Variants in NDUFV1 observed in about 807,000 individuals in gnomAD.
NDUFV1 encodes the protein NADH:ubiquinone oxidoreductase core subunit V1, also known as NADH dehydrogenase [ubiquinone] flavoprotein 1, mitochondrial.
A neutral mutation model predicts 48.7 loss-of-function variants in NDUFV1; 41 were observed. The observed-to-expected ratio is 0.84, with a 90% CI of 0.66 to 1.09. The LOEUF is 1.09. Ranked by LOEUF, NDUFV1 falls within the 50% of genes least tolerant of loss-of-function variation. NDUFV1 has a pLI of 0.00. For missense variants in NDUFV1, 580 were observed against 645.4 expected (o/e 0.90, Z 1.10); for synonymous variants, 231 against 259.1 (o/e 0.89, Z 1.04).
rs374792626 is a variant in NDUFV1, at chr11:67,610,334, C to T, written c.511-47C>T. 115 of 1,609,696 alleles carry T rather than the reference C, an allele frequency of 7.1e-5. 4 individuals are homozygous for T. In the African/African-American group the frequency reaches 8.8e-4, roughly 12 times the overall value. ...CATGACTCCTGAAGTTATAGGCTGA[C>T]TCCTGGGCTGGGGGTGGGCTGGGAA... On this transcript the variant is annotated intron_variant, in intron 4 of 9. Coordinates refer to ENST00000322776, the MANE Select transcript of NDUFV1 (RefSeq NM_007103.4).
chr11:67,608,627 G>C lies in NDUFV1; in HGVS notation c.231G>C (p.Leu77=). The change falls in exon 3 of 10, where the codon CTG becomes CTC. Residue 77 remains leucine, a synonymous_variant. Coordinates refer to ENST00000322776, the MANE Select transcript of NDUFV1 (RefSeq NM_007103.4). ...EILLKGPDWI[L]GEIKTSGLRG... ...TGCTGAAGGGGCCCGACTGGATCCT[G>C]GGCGAGATCAAGACATCGGGTTTGA... The C allele has an allele frequency of 6.2e-7, 1 of 1,614,144 alleles. No individual in the cohort carries two copies. Among genetic ancestry groups the C allele is most frequent in the Non-Finnish European group, 8.5e-7 (1 of 1,180,018 alleles).
rs1407393987 is a variant in NDUFV1, at chr11:67,608,613, C to A, written c.217C>A (p.Pro73Thr). 1 of 1,614,104 alleles carries A rather than the reference C, an allele frequency of 6.2e-7. No individual in the cohort carries two copies. The highest frequency in any genetic ancestry group is 1.7e-5 in the Admixed American group (1 of 60,004). Reference protein sequence around the residue: ...YKTKEILLKGPDWILGEIKTS... With the variant: ...YKTKEILLKGTDWILGEIKTS... ...GACAAAGGAGATCCTGCTGAAGGGG[C>A]CCGACTGGATCCTGGGCGAGATCAA... Residue 73 changes from proline (P) to threonine (T), a missense_variant, in exon 3 of 10, where the codon CCC (proline) becomes ACC (threonine). Pro to Thr is a conservative substitution (Grantham distance 38). Transcript: ENST00000322776.
In NDUFV1 at chr11:67,611,360, G is replaced by GCCCTGA. The variant is rs1481949303; in HGVS notation, c.914-40_914-35dup. On this transcript the variant is annotated intron_variant, in intron 6 of 9. Transcript: ENST00000322776. The surrounding 1 kb of genome is among the most constrained non-coding windows in gnomAD (Gnocchi z 4.2). ...GGACTAGGCAGGTGTGCCGGCCCCAGCCCTGACCATGCATCCCTTTGGGGA... is the reference window on the plus strand; with the variant it reads ...GGACTAGGCAGGTGTGCCGGCCCCAGCCCTGACCCTGACCATGCATCCCTTTGGGGA... 1.2e-6 allele frequency: 2 copies of GCCCTGA among 1,609,418 alleles called. No homozygotes were observed. Among genetic ancestry groups the GCCCTGA allele is most frequent in the African/African-American group, 2.7e-5 (2 of 74,840 alleles).
Position 67,606,988 on chromosome 11 carries a change from C to G in NDUFV1, c.-17C>G, listed in dbSNP as rs1002583022. The G allele has an allele frequency of 5.2e-5, 83 of 1,607,642 alleles. No individual in the cohort carries two copies. The highest frequency in any genetic ancestry group is 6.5e-5 in the Non-Finnish European group (76 of 1,177,840). On this transcript the variant is annotated 5_prime_UTR_variant, in exon 1 of 10. Coordinates refer to ENST00000322776, the MANE Select transcript of NDUFV1 (RefSeq NM_007103.4). ...TATGAAGGTGACAGCGTGAGGTGAC[C>G]CATCTGGCCCGCCGCGATGCTGGCA...
At position 67,611,438 on chromosome 11, in the gene NDUFV1, G is replaced by A. The variant is rs1415331795; in HGVS notation, c.949G>A (p.Val317Met). 1.2e-6 allele frequency: 2 copies of A among 1,614,000 alleles called. No individual in the cohort carries two copies. Among genetic ancestry groups the A allele is most frequent in the East Asian group, 2.2e-5 (1 of 44,898 alleles). Residue 317 changes from valine (V) to methionine (M), a missense_variant, in exon 7 of 10, where the codon GTG (valine) becomes ATG (methionine). Val to Met is a conservative substitution (Grantham distance 21). Transcript: ENST00000322776. The surrounding 1 kb of genome is among the most constrained non-coding windows in gnomAD (Gnocchi z 4.2). ...VTGGWDNLLA[V>M]IPGGSSTPLI... ...GGGCGGCTGGGACAACCTCCTTGCT[G>A]TGATCCCTGGCGGCTCGTCTACCCC...
Position 67,608,554 on chromosome 11 carries a change from T to C in NDUFV1, c.158T>C (p.Leu53Pro), listed in dbSNP as rs772508115. 14 of 1,614,206 alleles carry C rather than the reference T, an allele frequency of 8.7e-6. No individual in the cohort carries two copies. The highest frequency in any genetic ancestry group is 6.7e-5 in the Admixed American group (4 of 60,020). Residue 53 changes from leucine (L) to proline (P), a missense_variant and splice_region_variant, in exon 3 of 10, where the codon CTG (leucine) becomes CCG (proline). Coordinates refer to ENST00000322776, the MANE Select transcript of NDUFV1 (RefSeq NM_007103.4). ...ATTGCCTTCCCTATTCTGTCCAGGCTGAAAGGTTCCCTGAGTCGAGGTGAC... is the reference window on the plus strand; with the variant it reads ...ATTGCCTTCCCTATTCTGTCCAGGCCGAAAGGTTCCCTGAGTCGAGGTGAC... The part of the protein sequence containing the change: ...TNLYGRHDWR[L>P]KGSLSRGDWY...
At chr11:67,610,959 CT>C in intron 5 of NDUFV1, 35 bp from the exon 6 acceptor site, 1 of 1,610,220 alleles carries the variant, frequency 6.2e-7, no homozygotes, top group Non-Finnish European at 8.5e-7. Context: ...GCCCCACCCC[CT>C]AGCAGCCACC....
chr11:67,612,165 A>T lies in NDUFV1; in HGVS notation c.1208A>T (p.Asp403Val). 1 of 1,612,512 alleles carries T rather than the reference A, an allele frequency of 6.2e-7. No homozygotes were observed. The highest frequency in any genetic ancestry group is 1.3e-5 in the African/African-American group (1 of 74,412). ...GTGATGGCACGTTTCGTGAGGGGGG[A>T]TGCCCGGCCGGCCGAGATCGACTCC... ...NKVMARFVRG[D>V]ARPAEIDSLW... is the part of the protein sequence containing the mutation. Residue 403 changes from aspartate to valine, a missense_variant, in exon 9 of 10, where the codon GAT becomes GTT. Transcript: ENST00000322776. This position sits in a 1 kb window ranked among gnomAD's most constrained non-coding sequence, Gnocchi z 4.4.
chr11:67,607,448 T>G, intron 1 of NDUFV1: 1 of 491,888 alleles, frequency 2.0e-6, no homozygotes, highest in Non-Finnish European at 4.0e-6. Flanking sequence ...CGCCCTGAAG[T>G]GGCTGAAAAG....
intron 1 of NDUFV1, chr11:67,607,630 A>AG: frequency 2.7e-6 from 1 of 373,662 alleles, no homozygotes; most frequent in East Asian, 7.3e-5. Flanking sequence ...GGAATATAAA[A>AG]GGCCCCTGGC....
Position 67,611,870 on chromosome 11 carries a change from G to A in NDUFV1, c.1081-27G>A, listed in dbSNP as rs1265871175. The A allele has an allele frequency of 6.2e-7, 1 of 1,612,824 alleles. No homozygotes were observed. The highest frequency in any genetic ancestry group is 1.3e-5 in the African/African-American group (1 of 74,862). ...CCCAGGCTTCTGTCTGGCCGTGGGT[G>A]CCTGCTAATTGCCCCTCGTCACCCA... On this transcript the variant is annotated intron_variant, in intron 7 of 9. Coordinates refer to ENST00000322776, the MANE Select transcript of NDUFV1 (RefSeq NM_007103.4). This position sits in a 1 kb window ranked among gnomAD's most constrained non-coding sequence, Gnocchi z 4.2.
Position 67,611,271 on chromosome 11 carries a change from A to C in NDUFV1, c.913+64A>C. 6.3e-7 allele frequency: 1 copy of C among 1,596,180 alleles called. No homozygotes were observed. The highest frequency in any genetic ancestry group is 1.3e-5 in the African/African-American group (1 of 74,328). On this transcript the variant is annotated intron_variant, in intron 6 of 9. Transcript: ENST00000322776. This position sits in a 1 kb window ranked among gnomAD's most constrained non-coding sequence, Gnocchi z 4.2. ...AGTGGGGGCAGGTGTCCACAAAGAG[A>C]GCCTGGGCGGGAGGGCTCAGGAGAC... is the stretch of plus-strand genomic sequence containing the variant.
In NDUFV1 at chr11:67,612,245, G is replaced by A. The variant is rs776298670; in HGVS notation, c.1288G>A (p.Gly430Arg). ...CCATACGATTTGTGCTCTGGGTGAC[G>A]GGGCCGCCTGGCCTGTGCAGGTATT... The part of the protein sequence containing the change: ...EGHTICALGD[G>R]AAWPVQGLIR... The change falls in exon 9 of 10, where the codon GGG becomes AGG. Residue 430 changes from glycine to arginine, a missense_variant. Gly to Arg is a moderately radical substitution (Grantham distance 125, BLOSUM62 -2). Transcript: ENST00000322776. This position sits in a 1 kb window ranked among gnomAD's most constrained non-coding sequence, Gnocchi z 4.4. 11 of 1,613,738 alleles carry A rather than the reference G, an allele frequency of 6.8e-6. No individual in the cohort carries two copies. Among genetic ancestry groups the A allele is most frequent in the Non-Finnish European group, 6.8e-6 (8 of 1,179,924 alleles).
intron 1 of NDUFV1, chr11:67,607,290 G>GT (rs1276288140): frequency 2.8e-6 from 2 of 703,810 alleles, no homozygotes; most frequent in Non-Finnish European, 5.1e-6. Flanking sequence ...GGCTTCCCTT[G>GT]TTTTACAGTC....
intron 1 of NDUFV1, chr11:67,607,306 C>A (rs765425448): frequency 2.3e-5 from 16 of 692,948 alleles, no homozygotes; most frequent in Non-Finnish European, 3.7e-5. Context: ...CAGTCCTCGG[C>A]CTGGCGGAAG....
At position 67,610,951 on chromosome 11, in the gene NDUFV1, C is replaced by T. The variant is rs780371157; in HGVS notation, c.701-44C>T. 5 of 1,602,310 alleles carry T rather than the reference C, an allele frequency of 3.1e-6. No individual in the cohort carries two copies. In the South Asian group the frequency reaches 4.4e-5, roughly 14 times the overall value. On this transcript the variant is annotated intron_variant, in intron 5 of 9. Transcript: ENST00000322776. The stretch of plus-strand genomic sequence containing the variant: ...CACACCTCCCTGCCAGGAAACTTGC[C>T]CCACCCCCTAGCAGCCACCAGTTCT...
chr11:67,608,340 C>A, intron 1 of NDUFV1, 56 bp from the exon 2 acceptor site: 1 of 1,514,146 alleles, frequency 6.6e-7, no homozygotes, highest in Non-Finnish European at 9.2e-7. Flanking sequence ...TAGCTTCTGG[C>A]CCAATCCCTC....
rs863224118 is a variant in NDUFV1 at position 67,611,948 on chromosome 11, A to C, written c.1132A>C (p.Ser378Arg). 6.2e-7 allele frequency: 1 copy of C among 1,613,874 alleles called. No homozygotes were observed. Among genetic ancestry groups the C allele is most frequent in the Non-Finnish European group, 8.5e-7 (1 of 1,179,972 alleles). The change falls in exon 8 of 10, where the codon AGC becomes CGC. Residue 378 changes from serine to arginine, a missense_variant. Physicochemically the swap from Ser to Arg is moderately radical, Grantham distance 110. Coordinates refer to ENST00000322776, the MANE Select transcript of NDUFV1 (RefSeq NM_007103.4). The surrounding 1 kb of genome is among the most constrained non-coding windows in gnomAD (Gnocchi z 4.2). Reference protein sequence around the residue: ...ARLIEFYKHESCGQCTPCREG... With the variant: ...ARLIEFYKHERCGQCTPCREG... ...CCTCATTGAGTTCTATAAGCACGAG[A>C]GCTGTGGCCAGTGTACCCCATGCCG...
Position 67,612,375 on chromosome 11 carries a change from C to A in NDUFV1, c.1312C>A (p.Leu438Met), listed in dbSNP as rs1127511. 322 of 1,613,388 alleles carry A rather than the reference C, an allele frequency of 2.0e-4. 1 individual carries two copies. Among genetic ancestry groups the A allele is most frequent in the Middle Eastern group, 8.9e-4 (5 of 5,648 alleles). Residue 438 changes from leucine to methionine, a missense_variant, in exon 10 of 10, where the codon CTG (leucine) becomes ATG (methionine). Leu to Met is a conservative substitution (Grantham distance 15). Transcript: ENST00000322776. This position sits in a 1 kb window ranked among gnomAD's most constrained non-coding sequence, Gnocchi z 4.4. ...GDGAAWPVQGLIRHFRPELEE... is the reference protein window; with the variant it reads ...GDGAAWPVQGMIRHFRPELEE... ...ATGGTCCCCCCACCGACCCCAGGGT[C>A]TGATCCGCCACTTTCGGCCGGAGCT...
Sources: allele counts gnomAD v4.1 joint callset, GRCh38; gene constraint gnomAD v4.1.1; non-coding constraint Gnocchi (gnomAD v3.1); transcripts MANE v1.5; gene names NCBI Gene and HGNC (gene_info 2026-07-23, HGNC 2026-07-21).